The following AKAP9 variants were observed in gnomAD, a reference collection of about 807,000 sequenced individuals.
AKAP9 encodes A-kinase anchor protein 9.
AKAP9 carries 311 observed loss-of-function variants against 488.5 expected under a neutral mutation model. That is an observed-to-expected ratio of 0.64 (90% confidence interval 0.58 to 0.70). The LOEUF is 0.70. Among genes scored for constraint, AKAP9 ranks in the 30% least tolerant of loss-of-function variants. The pLI is 0.00. For synonymous variants in AKAP9, 1,462 were observed against 1,483.5 expected (o/e 0.99, Z 0.33); for missense variants, 4,215 against 4,374.5 (o/e 0.96, Z 1.03).
chr7:92,019,752 A>T lies in AKAP9; in HGVS notation c.3838-2486A>T, dbSNP rs541656307. On this transcript the variant is annotated intron_variant, in intron 12 of 49. Coordinates refer to ENST00000356239, the MANE Select transcript of AKAP9 (RefSeq NM_005751.5). ...GCCGGGCATGGTGGCTCATACCTGCAATCCCAGCACTTTAGTTGGCCAAGG... is the reference window on the plus strand; with the variant it reads ...GCCGGGCATGGTGGCTCATACCTGCTATCCCAGCACTTTAGTTGGCCAAGG... Among the ~76,000 whole-genome samples, 19 of 152,132 alleles carry T rather than the reference A, an allele frequency of 1.2e-4. No individual in the cohort carries two copies. The South Asian group carries it at 2.9e-3, about 23-fold the overall frequency.
At chr7:92,053,698 A>G (rs1281593626) in intron 22 of AKAP9, among the ~76,000 whole-genome samples, 1 of 152,150 alleles carries the variant, frequency 6.6e-6, no homozygotes, top group African/African-American at 2.4e-5. Context: ...GGTAATTTAA[A>G]TATCACTGAA....
At chr7:92,071,764 A>G (rs1811769673) in intron 28 of AKAP9, among the ~76,000 whole-genome samples, 1 of 152,210 alleles carries the variant, frequency 6.6e-6, no homozygotes, top group African/African-American at 2.4e-5. Context: ...ACAAATAGTT[A>G]TGAACTTAAG....
intron 23 of AKAP9, among the ~76,000 whole-genome samples, 186 bp downstream of exon 23, chr7:92,061,608 AT>A (rs1809832869): frequency 2.1e-5 from 3 of 142,512 alleles, no homozygotes; most frequent in African/African-American, 7.8e-5. Flanking sequence ...ATATATATAT[AT>A]ATATATATAT....
chr7:92,036,787 A>G (rs1805264987), intron 16 of AKAP9, among the ~76,000 whole-genome samples: 1 of 152,232 alleles, frequency 6.6e-6, no homozygotes. Flanking sequence ...CTAGTTACAG[A>G]AGGTTAAAAA....
chr7:92,091,608 A>C (rs1271528283), intron 38 of AKAP9, among the ~76,000 whole-genome samples: 5 of 151,344 alleles, frequency 3.3e-5, no homozygotes, highest in Admixed American at 6.6e-5. Context: ...CAAAAAAAAA[A>C]AACAAAGCAG....
chr7:92,064,632 A>G (rs1397127676), intron 24 of AKAP9, among the ~76,000 whole-genome samples: 1 of 152,142 alleles, frequency 6.6e-6, no homozygotes, highest in African/African-American at 2.4e-5. Context: ...CCTCTCATAC[A>G]TGTCAGTTTT....
At chr7:92,063,856 C>T (rs1021686237) in intron 24 of AKAP9, among the ~76,000 whole-genome samples, 4 of 152,132 alleles carry the variant, frequency 2.6e-5, no homozygotes, top group Non-Finnish European at 5.9e-5. Flanking sequence ...TCTCGGCTCA[C>T]TGCAACCTCC....
At chr7:92,024,435 G>C (rs1310026136) in intron 14 of AKAP9, among the ~76,000 whole-genome samples, 1 of 131,118 alleles carries the variant, frequency 7.6e-6, no homozygotes, top group Admixed American at 7.7e-5. Flanking sequence ...TATTATGTGT[G>C]TGTGTATATA....
At chr7:92,048,573 T>A (rs1448841786) in intron 21 of AKAP9, among the ~76,000 whole-genome samples, 3 of 152,194 alleles carry the variant, frequency 2.0e-5, no homozygotes, top group Non-Finnish European at 4.4e-5. Context: ...TGGAATCTTG[T>A]CTGCTGCTGC....
intron 1 of AKAP9, among the ~76,000 whole-genome samples, chr7:91,944,031 C>A (rs904200608): frequency 6.6e-6 from 1 of 152,062 alleles, no homozygotes; most frequent in Non-Finnish European, 1.5e-5. Context: ...TATAAATGAT[C>A]ACTTTTTAAA....
intron 8 of AKAP9, among the ~76,000 whole-genome samples, chr7:92,005,984 T>A (rs1584067147): frequency 6.6e-6 from 1 of 152,078 alleles, no homozygotes; most frequent in Admixed American, 6.5e-5. Context: ...GCTTAACTGT[T>A]AATGTTCTGT....
chr7:92,097,005 A>G lies in AKAP9; in HGVS notation c.10046A>G (p.Gln3349Arg). 6.2e-7 allele frequency: 1 copy of G among 1,614,202 alleles called. No individual in the cohort carries two copies. Among genetic ancestry groups the G allele is most frequent in the South Asian group, 1.1e-5 (1 of 91,086 alleles). Residue 3349 changes from glutamine to arginine, a missense_variant, in exon 41 of 50, where the codon CAG (glutamine) becomes CGG (arginine). Around this residue, in one of 5 missense-constraint regions of AKAP9, gnomAD observed 1,476 missense variants for 1,477.4 expected, o/e 1.00. Coordinates refer to ENST00000356239, the MANE Select transcript of AKAP9 (RefSeq NM_005751.5). The part of the protein sequence containing the change: ...LPSEDLLKEL[Q>R]KQLEEKHSRI... ...TCAGAGGACCTACTGAAAGAGCTGCAGAAACAGCTAGAGGAAAAACACAGT... is the reference window on the plus strand; with the variant it reads ...TCAGAGGACCTACTGAAAGAGCTGCGGAAACAGCTAGAGGAAAAACACAGT...
intron 37 of AKAP9, among the ~76,000 whole-genome samples, chr7:92,087,306 A>C (rs574566424): frequency 1.3e-5 from 2 of 152,358 alleles, no homozygotes; most frequent in South Asian, 4.1e-4. Flanking sequence ...TAAAAGTTGG[A>C]CATTTGAACT....
Position 92,089,534 on chromosome 7 carries a change from G to A in AKAP9, c.9358+5G>A. The A allele has an allele frequency of 6.2e-7, 1 of 1,612,954 alleles. No homozygotes were observed. Among genetic ancestry groups the A allele is most frequent in the Non-Finnish European group, 8.5e-7 (1 of 1,179,342 alleles). Reference sequence around the variant, plus strand: ...AGAGTGAGAAACCAAGCCAAGGTATGTTGTATGACAAGCTCATATGGTTAC... The same window carrying A: ...AGAGTGAGAAACCAAGCCAAGGTATATTGTATGACAAGCTCATATGGTTAC... On this transcript the variant is annotated splice_donor_5th_base_variant and intron_variant, in intron 38 of 49. Transcript: ENST00000356239.
chr7:92,097,850 C>T (rs1293814047), intron 42 of AKAP9, 56 bp downstream of exon 42: 1 of 1,558,570 alleles, frequency 6.4e-7, no homozygotes, highest in African/African-American at 1.4e-5. Context: ...TGGGTAGACC[C>T]CATGCCTCTG....
rs200710384 is a variant in AKAP9, at chr7:92,083,587, G to A, written c.8578G>A (p.Ala2860Thr). The change falls in exon 33 of 50, where the codon GCC becomes ACC. Residue 2860 changes from alanine (A) to threonine (T), a missense_variant. Around this residue, in one of 5 missense-constraint regions of AKAP9, gnomAD observed 1,476 missense variants for 1,477.4 expected, o/e 1.00. Coordinates refer to ENST00000356239, the MANE Select transcript of AKAP9 (RefSeq NM_005751.5). Reference sequence around the variant, plus strand: ...AACCTTAAAGAGGGAACACTATGTTGCCGTTCAGTTACTGAAAGAGGAATG... The same window carrying A: ...AACCTTAAAGAGGGAACACTATGTTACCGTTCAGTTACTGAAAGAGGAATG... ...TETLKREHYV[A>T]VQLLKEECGT... The A allele has an allele frequency of 2.5e-6, 4 of 1,603,308 alleles. No individual in the cohort carries two copies. In the East Asian group the frequency reaches 6.7e-5, roughly 27 times the overall value.
chr7:92,034,480 C>CGA (rs1554424460), intron 16 of AKAP9, among the ~76,000 whole-genome samples: 7 of 109,862 alleles, frequency 6.4e-5, no homozygotes, highest in Non-Finnish European at 1.0e-4. Context: ...GTGTATATAT[C>CGA]TATATATATA....
At chr7:92,007,626 C>G (rs539713951) in intron 8 of AKAP9, among the ~76,000 whole-genome samples, 40 of 152,188 alleles carry the variant, frequency 2.6e-4, no homozygotes, top group African/African-American at 9.6e-4. Context: ...CGTAAAAACC[C>G]AGGTTATCTC....
chr7:92,037,449 T>G lies in AKAP9; in HGVS notation c.4339-970T>G, dbSNP rs78894395. Among the ~76,000 whole-genome samples, 120 of 152,292 alleles carry G rather than the reference T, an allele frequency of 7.9e-4. 2 individuals carry two copies. The East Asian group carries it at 0.021, about 27-fold the overall frequency. On this transcript the variant is annotated intron_variant, in intron 16 of 49. Transcript: ENST00000356239. The stretch of plus-strand genomic sequence containing the variant: ...TGCTGCAGATCAGTAAATACAAATA[T>G]TTCTAATCCCAGGCATACTTTATTC...
Sources: allele counts gnomAD v4.1 joint callset (sites outside exome capture counted in the v4.1 genomes callset), GRCh38; gene constraint gnomAD v4.1.1; regional missense constraint gnomAD v4.1.1; transcripts MANE v1.5; gene names NCBI Gene and HGNC (gene_info 2026-07-23, HGNC 2026-07-21).